The following MYPN variants were observed in gnomAD, a reference collection of about 807,000 sequenced individuals.
The protein encoded by MYPN is myopalladin.
A neutral mutation model predicts 129.4 loss-of-function variants in MYPN; 63 were observed. The ratio of observed to expected loss-of-function variants is 0.49; its 90% CI spans 0.40 to 0.60. The LOEUF (loss-of-function observed/expected upper bound fraction) is 0.60. Ranked by LOEUF, MYPN falls within the 20% of genes least tolerant of loss-of-function variation. The pLI is 0.00. For missense variants in MYPN, 1,596 were observed against 1,635.4 expected (o/e 0.98, Z 0.42); for synonymous variants, 629 against 600.9 (o/e 1.05, Z -0.68).
At chr10:68,194,800 A>C (rs944694707) in intron 14 of MYPN, among the ~76,000 whole-genome samples, 1 of 152,212 alleles carries the variant, frequency 6.6e-6, no homozygotes, top group African/African-American at 2.4e-5. Flanking sequence ...CAACACATTG[A>C]TTCTCTTGAA....
At chr10:68,154,467 T>C (rs944105257) in intron 6 of MYPN, among the ~76,000 whole-genome samples, 1 of 152,184 alleles carries the variant, frequency 6.6e-6, no homozygotes, top group Non-Finnish European at 1.5e-5. Flanking sequence ...GGTAGTGGGA[T>C]CCAGATTTCT....
chr10:68,124,488 A>G (rs1343073881), intron 2 of MYPN, among the ~76,000 whole-genome samples: 1 of 152,220 alleles, frequency 6.6e-6, no homozygotes, highest in African/African-American at 2.4e-5. Context: ...TTGTTTATAT[A>G]TAGGCATATT....
intron 1 of MYPN, among the ~76,000 whole-genome samples, chr10:68,089,012 C>T (rs1745758883): frequency 6.6e-6 from 1 of 152,092 alleles, no homozygotes; most frequent in African/African-American, 2.4e-5. Context: ...TCACACAATG[C>T]GTAGTCTTTT....
At chr10:68,137,959 A>G (rs747659404) in intron 2 of MYPN, among the ~76,000 whole-genome samples, 7 of 152,224 alleles carry the variant, frequency 4.6e-5, no homozygotes, top group Non-Finnish European at 1.0e-4. Flanking sequence ...TTTTTATGCT[A>G]TTAGTACTTA....
At chr10:68,185,797 T>C (rs1437600016) in intron 12 of MYPN, among the ~76,000 whole-genome samples, 2 of 152,150 alleles carry the variant, frequency 1.3e-5, no homozygotes, top group Non-Finnish European at 2.9e-5. Flanking sequence ...TTTAGAATCA[T>C]ATCAATTTAG....
intron 7 of MYPN, among the ~76,000 whole-genome samples, chr10:68,160,619 T>C (rs778784988): frequency 2.3e-4 from 35 of 152,108 alleles, no homozygotes; most frequent in Admixed American, 1.8e-3. Flanking sequence ...TAAGATAAGA[T>C]AAGAACCTAC....
At chr10:68,169,181 TAAAAA>T (rs59317396) in intron 10 of MYPN, among the ~76,000 whole-genome samples, 1 of 91,084 alleles carries the variant, frequency 1.1e-5, no homozygotes, top group Non-Finnish European at 1.9e-5. Context: ...CCGTCTCTAC[TAAAAA>T]AAAAAAAAAA....
intron 7 of MYPN, among the ~76,000 whole-genome samples, chr10:68,159,942 A>G (rs568752042): frequency 2.6e-5 from 4 of 152,232 alleles, no homozygotes; most frequent in African/African-American, 7.2e-5. Flanking sequence ...GCTAATGAAC[A>G]TACGTATTAC....
At chr10:68,198,956 G>A (rs185070978) in intron 16 of MYPN, among the ~76,000 whole-genome samples, 49 of 151,740 alleles carry the variant, frequency 3.2e-4, no homozygotes, top group African/African-American at 1.0e-3. Context: ...ACAAACCTGC[G>A]TGTTCTGCAC....
chr10:68,113,515 G>A (rs1187409575), intron 1 of MYPN, among the ~76,000 whole-genome samples: 1 of 152,004 alleles, frequency 6.6e-6, no homozygotes, highest in Non-Finnish European at 1.5e-5. Context: ...GAGCAACATA[G>A]GAAGACTCCA....
intron 1 of MYPN, among the ~76,000 whole-genome samples, chr10:68,090,309 C>T (rs1296520065): frequency 1.3e-5 from 2 of 152,072 alleles, no homozygotes; most frequent in Non-Finnish European, 2.9e-5. Context: ...ATTACAGGCA[C>T]CCACCACCAC....
intron 2 of MYPN, among the ~76,000 whole-genome samples, chr10:68,130,847 T>G (rs1393229893): frequency 6.6e-6 from 1 of 152,228 alleles, no homozygotes; most frequent in African/African-American, 2.4e-5. Context: ...TTTTTAAGAT[T>G]GGATAGCCAA....
At chr10:68,091,194 T>A (rs2041929687) in intron 1 of MYPN, among the ~76,000 whole-genome samples, 1 of 152,052 alleles carries the variant, frequency 6.6e-6, no homozygotes. Context: ...GATTATGGCA[T>A]CTTGTGAGCA....
intron 1 of MYPN, among the ~76,000 whole-genome samples, chr10:68,114,984 C>A (rs1316559634): frequency 6.6e-6 from 1 of 152,100 alleles, no homozygotes; most frequent in African/African-American, 2.4e-5. Flanking sequence ...TGTGACGGGG[C>A]ATGGTGGCTC....
chr10:68,129,152 G>T (rs2042371808), intron 2 of MYPN, among the ~76,000 whole-genome samples: 1 of 152,098 alleles, frequency 6.6e-6, no homozygotes. Context: ...CCACATCTCG[G>T]ACCCACTGAA....
At chr10:68,116,881 T>A (rs1317883183) in intron 1 of MYPN, among the ~76,000 whole-genome samples, 1 of 152,124 alleles carries the variant, frequency 6.6e-6, no homozygotes, top group Non-Finnish European at 1.5e-5. Context: ...TGTCTATAAG[T>A]TTTCTTTGAC....
rs1453950168 is a variant in MYPN, at chr10:68,122,339, A to G, written c.901A>G (p.Arg301Gly). Residue 301 changes from arginine to glycine, a missense_variant and splice_region_variant, in exon 2 of 20, where the codon AGG (arginine) becomes GGG (glycine). Coordinates refer to ENST00000358913, the MANE Select transcript of MYPN (RefSeq NM_032578.4). ...GGTAGGAATTCCACCACCTCAAGTA[A>G]GGTAAAAATGTCCCATTGGTAATGC... is the stretch of plus-strand genomic sequence containing the variant. ...IVVGIPPPQV[R>G]WYCEGKELEN... 6.2e-7 allele frequency: 1 copy of G among 1,613,080 alleles called. No homozygotes were observed. Among genetic ancestry groups the G allele is most frequent in the Non-Finnish European group, 8.5e-7 (1 of 1,179,952 alleles).
At chr10:68,204,558 C>T (rs1402664889) in intron 18 of MYPN, among the ~76,000 whole-genome samples, 1 of 151,858 alleles carries the variant, frequency 6.6e-6, no homozygotes, top group East Asian at 1.9e-4. Context: ...CCTGTCTCTA[C>T]TATACAAAAA....
In MYPN at chr10:68,183,509, T is replaced by C. The variant is rs140777586; in HGVS notation, c.2704-5396T>C. Among the ~76,000 whole-genome samples the C allele has an allele frequency of 2.1e-3, 324 of 152,106 alleles. 3 individuals carry two copies. The highest frequency in any genetic ancestry group is 7.3e-3 in the African/African-American group (303 of 41,508). ...AAAAAATAGTTCATAATACAGAATT[T>C]CAGGAATTCATCTTTCCCTGTAATA... is the stretch of plus-strand genomic sequence containing the variant. On this transcript the variant is annotated intron_variant, in intron 12 of 19. Coordinates refer to ENST00000358913, the MANE Select transcript of MYPN (RefSeq NM_032578.4).
Sources: gnomAD v4.1 joint callset for allele counts (sites outside exome capture counted in the v4.1 genomes callset) on GRCh38, gnomAD v4.1.1 for gene constraint, MANE v1.5 for transcripts, NCBI Gene and HGNC (gene_info 2026-07-23, HGNC 2026-07-21) for gene names.